The following RFTN2 variants were observed in gnomAD, a reference collection of about 807,000 sequenced individuals.
The protein encoded by RFTN2 is raftlin family member 2.
RFTN2 carries 34 observed loss-of-function variants against 52.7 expected under a neutral mutation model. The observed-to-expected ratio is 0.64, with a 90% CI of 0.49 to 0.86. RFTN2 has a LOEUF of 0.86. Among genes scored for constraint, RFTN2 ranks in the 40% least tolerant of loss-of-function variants. The pLI, the probability that RFTN2 is intolerant of heterozygous loss-of-function variation, is 0.00. For synonymous variants in RFTN2, 203 were observed against 217.7 expected, an observed-to-expected ratio of 0.93 and a Z score of 0.59; for missense variants, 536 against 600.1, an observed-to-expected ratio of 0.89 and a Z score of 1.12.
chr2:197,665,024 TG>T (rs2089031873), intron 1 of RFTN2, among the ~76,000 whole-genome samples: 1 of 152,106 alleles, frequency 6.6e-6, no homozygotes, highest in South Asian at 2.1e-4. Context: ...GGGCAAAGAT[TG>T]AAAAATTAAC....
At chr2:197,640,338 C>T (rs1220919746) in intron 3 of RFTN2, among the ~76,000 whole-genome samples, 6 of 151,970 alleles carry the variant, frequency 3.9e-5, no homozygotes, top group East Asian at 1.9e-4. Flanking sequence ...CCCAGCCTCA[C>T]TGCCGCCTTG....
intron 1 of RFTN2, among the ~76,000 whole-genome samples, chr2:197,659,426 G>A (rs1216437882): frequency 6.8e-6 from 1 of 147,406 alleles, no homozygotes; most frequent in Non-Finnish European, 1.5e-5. Context: ...GCAGTGAGCC[G>A]AGACCGTGCT....
chr2:197,640,069 A>T (rs1173663193), intron 3 of RFTN2, among the ~76,000 whole-genome samples: 1 of 152,116 alleles, frequency 6.6e-6, no homozygotes, highest in Non-Finnish European at 1.5e-5. Context: ...GGGGTCAGGG[A>T]CCCACTTGAG....
chr2:197,658,351 G>T (rs1216188277), intron 1 of RFTN2, among the ~76,000 whole-genome samples: 1 of 151,890 alleles, frequency 6.6e-6, no homozygotes, highest in African/African-American at 2.4e-5. Flanking sequence ...ACTCACCGCA[G>T]TCTCGACCTC....
At position 197,583,929 on chromosome 2, in the gene RFTN2, C is replaced by T. The variant is rs549424711; in HGVS notation, c.1234-11649G>A. 7.2e-4 allele frequency among the ~76,000 whole-genome samples: 109 copies of T among 150,852 alleles called. 1 individual carries two copies. The highest frequency in any genetic ancestry group is 2.4e-3 in the African/African-American group (99 of 40,800). Reference sequence around the variant, plus strand: ...TACTGAGAATGATGATTTCCAGCTTCATCCATGTCCCTACAAAGGACATGA... The same window carrying T: ...TACTGAGAATGATGATTTCCAGCTTTATCCATGTCCCTACAAAGGACATGA... On this transcript the variant is annotated intron_variant, in intron 8 of 8. Coordinates refer to ENST00000295049, the MANE Select transcript of RFTN2 (RefSeq NM_144629.3).
At chr2:197,642,662 A>C (rs1249701458) in intron 3 of RFTN2, among the ~76,000 whole-genome samples, 2 of 152,210 alleles carry the variant, frequency 1.3e-5, no homozygotes, top group African/African-American at 4.8e-5. Flanking sequence ...TCTTAAAATC[A>C]ATTCCTAAGG....
At chr2:197,613,588 TTAC>T (rs2088097978) in intron 7 of RFTN2, among the ~76,000 whole-genome samples, 1 of 152,244 alleles carries the variant, frequency 6.6e-6, no homozygotes, top group Admixed American at 6.5e-5. Context: ...TTGACCATGA[TTAC>T]TATCGTTGTG....
chr2:197,669,673 G>A (rs2089116502), intron 1 of RFTN2, among the ~76,000 whole-genome samples: 1 of 152,170 alleles, frequency 6.6e-6, no homozygotes, highest in African/African-American at 2.4e-5. Flanking sequence ...GAGAACCTAT[G>A]AGAATCCAAT....
At chr2:197,596,193 A>G in intron 7 of RFTN2, 124 bp from the exon 8 acceptor site, 4 of 487,644 alleles carry the variant, frequency 8.2e-6, no homozygotes, top group South Asian at 8.7e-5. Flanking sequence ...ATTATAAAAT[A>G]TAAATCTTTT....
At chr2:197,601,894 C>T (rs564401661) in intron 7 of RFTN2, among the ~76,000 whole-genome samples, 10 of 152,084 alleles carry the variant, frequency 6.6e-5, no homozygotes, top group Admixed American at 2.0e-4. Flanking sequence ...GTTCATGATC[C>T]GTGGTATTAA....
intron 8 of RFTN2, among the ~76,000 whole-genome samples, chr2:197,592,363 TTG>T (rs1447545130): frequency 6.6e-6 from 1 of 152,110 alleles, no homozygotes; most frequent in African/African-American, 2.4e-5. Flanking sequence ...GCCCAGCTAA[TTG>T]TGTATTTTTA....
intron 8 of RFTN2, among the ~76,000 whole-genome samples, chr2:197,590,322 T>A (rs2087682568): frequency 6.6e-6 from 1 of 152,194 alleles, no homozygotes. Context: ...ACTGAGGTAG[T>A]AAATGAGGGT....
intron 1 of RFTN2, among the ~76,000 whole-genome samples, chr2:197,650,513 G>A (rs1230261544): frequency 6.6e-6 from 1 of 152,184 alleles, no homozygotes; most frequent in Non-Finnish European, 1.5e-5. Flanking sequence ...ATGTGCCTTG[G>A]CTTGGGAATC....
chr2:197,605,907 T>C (rs765613888), intron 7 of RFTN2, among the ~76,000 whole-genome samples: 1 of 152,204 alleles, frequency 6.6e-6, no homozygotes, highest in African/African-American at 2.4e-5. Context: ...TCAGACATCA[T>C]GAGCTTCACA....
chr2:197,656,000 T>C (rs959239942), intron 1 of RFTN2, among the ~76,000 whole-genome samples: 2 of 152,166 alleles, frequency 1.3e-5, no homozygotes, highest in Admixed American at 1.3e-4. Flanking sequence ...AAAGACCCAC[T>C]GAAAGAAAAC....
At chr2:197,630,961 A>G (rs2088458918) in intron 5 of RFTN2, 50 bp downstream of exon 5, 1 of 1,241,844 alleles carries the variant, frequency 8.1e-7, no homozygotes, top group South Asian at 1.2e-5. Context: ...ACTGATTTTG[A>G]TACAAGTTCA....
intron 8 of RFTN2, among the ~76,000 whole-genome samples, chr2:197,589,404 C>T (rs1321999176): frequency 1.3e-5 from 2 of 151,902 alleles, no homozygotes; most frequent in Admixed American, 6.6e-5. Context: ...TGTAAATTAC[C>T]CAGTCTCAGG....
intron 3 of RFTN2, among the ~76,000 whole-genome samples, chr2:197,636,960 AT>A (rs1162884204): frequency 2.6e-5 from 4 of 152,162 alleles, no homozygotes; most frequent in Non-Finnish European, 5.9e-5. Context: ...GTGTTGTTAA[AT>A]TTTGTCAAAG....
At chr2:197,572,887 A>G (rs1485870796) in intron 8 of RFTN2, among the ~76,000 whole-genome samples, 1 of 152,148 alleles carries the variant, frequency 6.6e-6, no homozygotes, top group African/African-American at 2.4e-5. Context: ...TGATGGTTTT[A>G]TAAAGGGGAG....
Sources: gnomAD v4.1 joint callset for allele counts (sites outside exome capture counted in the v4.1 genomes callset) on GRCh38, gnomAD v4.1.1 for gene constraint, MANE v1.5 for transcripts, NCBI Gene and HGNC (gene_info 2026-07-23, HGNC 2026-07-21) for gene names.